The following PIP variants were observed in gnomAD, a reference collection of about 807,000 sequenced individuals.
PIP encodes prolactin-inducible protein.
A neutral mutation model predicts 12.8 loss-of-function variants in PIP; 9 were observed. The observed-to-expected ratio is 0.70, with a 90% CI of 0.42 to 1.23. PIP has a LOEUF of 1.23. Ranked by LOEUF, PIP falls within the 50% of genes most tolerant of loss-of-function variation. PIP has a pLI of 0.00. For missense variants in PIP, 172 were observed against 179.5 expected, an observed-to-expected ratio of 0.96 and a Z score of 0.24; for synonymous variants, 60 against 66.1, an observed-to-expected ratio of 0.91 and a Z score of 0.45.
At chr7:143,138,622 G>A (rs181792453) in intron 2 of PIP, among the ~76,000 whole-genome samples, 1 of 152,284 alleles carries the variant, frequency 6.6e-6, no homozygotes, top group Admixed American at 6.5e-5. Flanking sequence ...AAGTCAGAGA[G>A]GAGCACAGAT....
intron 1 of PIP, among the ~76,000 whole-genome samples, chr7:143,133,811 A>AT (rs989993448): frequency 6.6e-6 from 1 of 151,596 alleles, no homozygotes; most frequent in African/African-American, 2.4e-5. Flanking sequence ...GGTTTTTAAA[A>AT]TTTTTTATTA....
chr7:143,137,953 C>T (rs969932296), intron 2 of PIP, among the ~76,000 whole-genome samples: 5 of 150,832 alleles, frequency 3.3e-5, no homozygotes, highest in African/African-American at 4.9e-5. Flanking sequence ...TCCAAAGAAA[C>T]GCCAGGATTC....
chr7:143,138,038 T>C (rs1208537387), intron 2 of PIP, among the ~76,000 whole-genome samples: 2 of 152,042 alleles, frequency 1.3e-5, no homozygotes, highest in South Asian at 2.1e-4. Flanking sequence ...GGCTACTTGA[T>C]GCTGAGTTGC....
intron 1 of PIP, among the ~76,000 whole-genome samples, chr7:143,134,575 C>G (rs532190128): frequency 2.0e-5 from 3 of 151,660 alleles, no homozygotes; most frequent in Non-Finnish European, 4.4e-5. Flanking sequence ...AAGGTGGTAT[C>G]GCATTGTGGT....
intron 1 of PIP, among the ~76,000 whole-genome samples, chr7:143,132,548 T>C (rs1197524775): frequency 6.6e-6 from 1 of 152,132 alleles, no homozygotes; most frequent in Non-Finnish European, 1.5e-5. Flanking sequence ...TCAGTAAACT[T>C]TACCTTCTCA....
rs772599290 is a variant in PIP, at chr7:143,139,538, GTCGTTGATGTTAT to G, written c.341_353del (p.Val114GlyfsTer3). 2 of 1,613,190 alleles carry G rather than the reference GTCGTTGATGTTAT, an allele frequency of 1.2e-6. No homozygotes were observed. The highest frequency in any genetic ancestry group is 2.2e-5 in the East Asian group (1 of 44,882). Reference sequence around the variant, plus strand: ...TTCAGGAACTGTGCAAATTGCAGCCGTCGTTGATGTTATTCGGGAATTAGGCATCTGCCCTGAT... The same window carrying G: ...TTCAGGAACTGTGCAAATTGCAGCCGTCGGGAATTAGGCATCTGCCCTGAT... On this transcript the variant is annotated frameshift_variant, in exon 4 of 4. Transcript: ENST00000291009. LOFTEE classifies it low-confidence loss of function (END_TRUNC).
chr7:143,135,235 T>TACGTCCAAATGA lies in PIP; in HGVS notation c.138_149dup (p.Asn49_Asp50insGluArgProAsn). The TACGTCCAAATGA allele has an allele frequency of 6.2e-7, 1 of 1,601,422 alleles. No homozygotes were observed. The highest frequency in any genetic ancestry group is 8.6e-7 in the Non-Finnish European group (1 of 1,168,556). ...AAGAATTTTGACATTCCCAAGTCAG[T>TACGTCCAAATGA]ACGTCCAAATGACGAAGTCACTGCA... On this transcript the variant is annotated inframe_insertion, in exon 2 of 4. Coordinates refer to ENST00000291009, the MANE Select transcript of PIP (RefSeq NM_002652.3).
intron 3 of PIP, 40 bp downstream of exon 3, chr7:143,139,229 G>A (rs1799342188): frequency 4.5e-6 from 5 of 1,113,248 alleles, no homozygotes; most frequent in Non-Finnish European, 6.9e-6. Context: ...CTACCCACCA[G>A]CCACCAGGGA....
chr7:143,135,332 G>T (rs765452707), intron 2 of PIP, 33 bp downstream of exon 2: 3 of 960,316 alleles, frequency 3.1e-6, no homozygotes, highest in South Asian at 1.3e-5. Context: ...GACTTCAAAA[G>T]ATAATTCAAC....
In PIP at chr7:143,139,133, C is replaced by T. The variant is rs764171666; in HGVS notation, c.260C>T (p.Thr87Ile). ...CAAGGTGCATTTAACTATAAGTATA[C>T]TGCCTGCCTATGTGACGACAATCCA... ...PLQGAFNYKY[T>I]ACLCDDNPKT... is the part of the protein sequence containing the mutation. Residue 87 changes from threonine (T) to isoleucine (I), a missense_variant, in exon 3 of 4, where the codon ACT (threonine) becomes ATT (isoleucine). Coordinates refer to ENST00000291009, the MANE Select transcript of PIP (RefSeq NM_002652.3). The T allele has an allele frequency of 3.7e-6, 6 of 1,605,936 alleles. No homozygotes were observed. In the African/African-American group the frequency reaches 6.7e-5, roughly 18 times the overall value.
Position 143,139,140 on chromosome 7 carries a change from C to T in PIP, c.267C>T (p.Cys89=). The T allele has an allele frequency of 1.2e-6, 2 of 1,605,942 alleles. No homozygotes were observed. The highest frequency in any genetic ancestry group is 8.5e-7 in the Non-Finnish European group (1 of 1,172,410). ...QGAFNYKYTA[C]LCDDNPKTFY... The stretch of plus-strand genomic sequence containing the variant: ...CATTTAACTATAAGTATACTGCCTG[C>T]CTATGTGACGACAATCCAAAAACCT... Residue 89 remains cysteine (C), a synonymous_variant, in exon 3 of 4, where the codon TGC becomes TGT. Coordinates refer to ENST00000291009, the MANE Select transcript of PIP (RefSeq NM_002652.3).
At chr7:143,138,135 T>A (rs1208152258) in intron 2 of PIP, among the ~76,000 whole-genome samples, 1 of 152,064 alleles carries the variant, frequency 6.6e-6, no homozygotes, top group East Asian at 1.9e-4. Flanking sequence ...CTGCCATACA[T>A]TCAAGGTAGT....
At chr7:143,134,428 A>G (rs1799282729) in intron 1 of PIP, among the ~76,000 whole-genome samples, 3 of 151,100 alleles carry the variant, frequency 2.0e-5, no homozygotes, top group Non-Finnish European at 4.4e-5. Context: ...TTCTTTAAGG[A>G]ATCTCCACAC....
Position 143,135,758 on chromosome 7 carries a change from T to C in PIP, c.201+459T>C, listed in dbSNP as rs190939338. Among the ~76,000 whole-genome samples, 350 of 152,070 alleles carry C rather than the reference T, an allele frequency of 2.3e-3. 1 individual carries two copies. Among genetic ancestry groups the C allele is most frequent in the African/African-American group, 8.1e-3 (337 of 41,516 alleles). ...CAGTAAGCACTGAGCGACTCTACTG[T>C]CCTCTTGCCTTCTTCTGCTCCTTTG... is the stretch of plus-strand genomic sequence containing the variant. On this transcript the variant is annotated intron_variant, in intron 2 of 3. Transcript: ENST00000291009.
chr7:143,139,351 C>T (rs150082452), intron 3 of PIP, among the ~76,000 whole-genome samples, 162 bp downstream of exon 3: 121 of 152,010 alleles, frequency 8.0e-4, no homozygotes, highest in African/African-American at 2.8e-3. Flanking sequence ...GGGGAAAGCA[C>T]CCAGGTTCTA....
intron 3 of PIP, 142 bp downstream of exon 3, chr7:143,139,331 G>A: frequency 1.2e-6 from 1 of 819,766 alleles, no homozygotes; most frequent in South Asian, 1.5e-5. Context: ...AGAGCATGGG[G>A]AGAGCAGATG....
rs187351582 is a variant in PIP, at chr7:143,138,963, G to A, written c.202-112G>A. 3.8e-4 allele frequency: 260 copies of A among 687,602 alleles called. 1 individual carries two copies. The African/African-American group carries it at 4.2e-3, about 11-fold the overall frequency. The allele number at this position is 687,602 out of a possible 1,614,324, so 42.6% of individuals were successfully genotyped here. A position where few individuals can be genotyped will look rare whatever the true frequency, so the allele number is the denominator to read the frequency against. On this transcript the variant is annotated intron_variant, in intron 2 of 3. Transcript: ENST00000291009. ...AACAGTAGACTCCCCCTTGCCCTAGGCCCACCTCCACCCCCACTCTTCTCC... is the reference window on the plus strand; with the variant it reads ...AACAGTAGACTCCCCCTTGCCCTAGACCCACCTCCACCCCCACTCTTCTCC...
chr7:143,133,003 C>T (rs941401085), intron 1 of PIP, among the ~76,000 whole-genome samples: 4 of 151,920 alleles, frequency 2.6e-5, no homozygotes, highest in Non-Finnish European at 4.4e-5. Flanking sequence ...GGAAACTGTT[C>T]AGGGTTTTGA....
rs1198609153 is a variant in PIP, at chr7:143,132,209, C to T, written c.93C>T (p.Asn31=). ...TGGGGGCCAACAAAGCTCAGGACAACACGTGAGCCATGCCCTTCTCCTCCC... is the reference window on the plus strand; with the variant it reads ...TGGGGGCCAACAAAGCTCAGGACAATACGTGAGCCATGCCCTTCTCCTCCC... The part of the protein sequence containing the change: ...LQLGANKAQD[N]TRKIIIKNFD... Residue 31 remains asparagine, a splice_region_variant and synonymous_variant, in exon 1 of 4, where the codon AAC becomes AAT. Transcript: ENST00000291009. 8 of 1,613,330 alleles carry T rather than the reference C, an allele frequency of 5.0e-6. No individual in the cohort carries two copies. The African/African-American group carries it at 1.1e-4, about 22-fold the overall frequency.
Sources: allele counts gnomAD v4.1 joint callset (sites outside exome capture counted in the v4.1 genomes callset), GRCh38; gene constraint gnomAD v4.1.1; transcripts MANE v1.5; gene names NCBI Gene and HGNC (gene_info 2026-07-23, HGNC 2026-07-21).